Variants in TMEM163 observed in about 807,000 individuals in gnomAD.
TMEM163 encodes transmembrane protein 163.
A neutral mutation model predicts 29.3 loss-of-function variants in TMEM163; 17 were observed. The observed-to-expected ratio is 0.58, with a 90% CI of 0.40 to 0.87. TMEM163 has a LOEUF of 0.87. Ranked by LOEUF, TMEM163 falls within the 40% of genes least tolerant of loss-of-function variation. TMEM163 has a pLI of 0.00. For synonymous variants in TMEM163, 157 were observed against 160.6 expected, an observed-to-expected ratio of 0.98 and a Z score of 0.17; for missense variants, 303 against 381.5, an observed-to-expected ratio of 0.79 and a Z score of 1.71.
chr2:134,669,685 A>G (rs564424275), intron 2 of TMEM163, among the ~76,000 whole-genome samples: 2 of 152,222 alleles, frequency 1.3e-5, no homozygotes, highest in Non-Finnish European at 2.9e-5. Flanking sequence ...AGAATGTGGC[A>G]AAAGTGATGC....
At chr2:134,615,931 A>C (rs1031291005) in intron 2 of TMEM163, among the ~76,000 whole-genome samples, 3 of 152,218 alleles carry the variant, frequency 2.0e-5, no homozygotes, top group South Asian at 2.1e-4. Flanking sequence ...TGTTGGAATT[A>C]CAGGCGTGAG....
chr2:134,525,197 T>C lies in TMEM163; in HGVS notation c.459-22200A>G, dbSNP rs151121994. Among the ~76,000 whole-genome samples the C allele has an allele frequency of 1.5e-4, 23 of 152,312 alleles. No homozygotes were observed. The East Asian group carries it at 3.9e-3, about 26-fold the overall frequency. Reference sequence around the variant, plus strand: ...AAGGATAAATTAGTGCTACTCAAAGTGTGGTTCCCCAGACTTGCAACATCT... The same window carrying C: ...AAGGATAAATTAGTGCTACTCAAAGCGTGGTTCCCCAGACTTGCAACATCT... On this transcript the variant is annotated intron_variant, in intron 4 of 7. Coordinates refer to ENST00000281924, the MANE Select transcript of TMEM163 (RefSeq NM_030923.5).
At position 134,558,441 on chromosome 2, in the gene TMEM163, C is replaced by T. The variant is rs140427401; in HGVS notation, c.323-6350G>A. 2.0e-5 allele frequency among the ~76,000 whole-genome samples: 3 copies of T among 152,276 alleles called. No homozygotes were observed. In the East Asian group the frequency reaches 5.8e-4, roughly 29 times the overall value. ...TATTTATACAAGTCTGGTTAAAAGA[C>T]CAGACCTTCTTTAACTAAGTCACAC... On this transcript the variant is annotated intron_variant, in intron 2 of 7. Coordinates refer to ENST00000281924, the MANE Select transcript of TMEM163 (RefSeq NM_030923.5).
chr2:134,678,458 G>T (rs537740953), intron 2 of TMEM163, among the ~76,000 whole-genome samples: 2 of 152,220 alleles, frequency 1.3e-5, no homozygotes, highest in Non-Finnish European at 2.9e-5. Context: ...AAAGGCTTTT[G>T]TCTTTCTGTA....
chr2:134,712,316 A>G (rs1684943051), intron 2 of TMEM163, among the ~76,000 whole-genome samples: 1 of 152,218 alleles, frequency 6.6e-6, no homozygotes, highest in South Asian at 2.1e-4. Flanking sequence ...ACACACACAC[A>G]TAGCTTGTCT....
At chr2:134,631,439 G>A (rs918424523) in intron 2 of TMEM163, among the ~76,000 whole-genome samples, 2 of 152,170 alleles carry the variant, frequency 1.3e-5, no homozygotes, top group African/African-American at 4.8e-5. Flanking sequence ...TCTTGGCCTA[G>A]TAGCACACTA....
At position 134,480,168 on chromosome 2, in the gene TMEM163, A is replaced by C. The variant is rs138323145; in HGVS notation, c.556-13943T>G. Reference sequence around the variant, plus strand: ...AACCCCAACCAAACCAGCTGGATAAAGGGGACTCCTCTGCCCTCACCTCCT... The same window carrying C: ...AACCCCAACCAAACCAGCTGGATAACGGGGACTCCTCTGCCCTCACCTCCT... On this transcript the variant is annotated intron_variant, in intron 5 of 7. Coordinates refer to ENST00000281924, the MANE Select transcript of TMEM163 (RefSeq NM_030923.5). 1.2e-4 allele frequency among the ~76,000 whole-genome samples: 18 copies of C among 152,306 alleles called. 2 individuals are homozygous for C. The highest frequency in any genetic ancestry group is 4.3e-4 in the African/African-American group (18 of 41,572).
chr2:134,611,064 C>T (rs1169876252), intron 2 of TMEM163, among the ~76,000 whole-genome samples: 1 of 152,034 alleles, frequency 6.6e-6, no homozygotes, highest in Admixed American at 6.6e-5. Context: ...TTTACTCAAG[C>T]ATTTTGGAAA....
At chr2:134,606,713 T>C (rs1471357679) in intron 2 of TMEM163, among the ~76,000 whole-genome samples, 1 of 150,976 alleles carries the variant, frequency 6.6e-6, no homozygotes, top group Non-Finnish European at 1.5e-5. Context: ...ATCAAGAGGG[T>C]CAGTAACAAG....
intron 2 of TMEM163, among the ~76,000 whole-genome samples, chr2:134,623,436 G>C (rs1682782749): frequency 6.6e-6 from 1 of 152,134 alleles, no homozygotes; most frequent in Non-Finnish European, 1.5e-5. Context: ...GGAAAAACCA[G>C]AAAGTTCACA....
intron 5 of TMEM163, among the ~76,000 whole-genome samples, chr2:134,496,092 C>T (rs1003156194): frequency 3.3e-5 from 5 of 150,116 alleles, no homozygotes; most frequent in East Asian, 2.0e-4. Flanking sequence ...GACGGAGTCT[C>T]GCTCTGTCAC....
rs373236559 is a variant in TMEM163, at chr2:134,517,935, C to A, written c.459-14938G>T. Among the ~76,000 whole-genome samples, 5 of 145,706 alleles carry A rather than the reference C, an allele frequency of 3.4e-5. No individual in the cohort carries two copies. The East Asian group carries it at 6.1e-4, about 18-fold the overall frequency. On this transcript the variant is annotated intron_variant, in intron 4 of 7. Transcript: ENST00000281924. ...GTGGGCTTCCTTTCATATATCACTACAGAGTTGTCAGATGGAAAAAAAAAA... is the reference window on the plus strand; with the variant it reads ...GTGGGCTTCCTTTCATATATCACTAAAGAGTTGTCAGATGGAAAAAAAAAA...
At chr2:134,713,118 A>ATGT in intron 2 of TMEM163, 82 bp downstream of exon 2, 1 of 1,554,636 alleles carries the variant, frequency 6.4e-7, no homozygotes, top group Non-Finnish European at 8.6e-7. Context: ...GTCAACTAAA[A>ATGT]GCAAAAGCAC....
At chr2:134,503,553 C>G (rs1428117847) in intron 4 of TMEM163, among the ~76,000 whole-genome samples, 1 of 152,230 alleles carries the variant, frequency 6.6e-6, no homozygotes, top group Non-Finnish European at 1.5e-5. Flanking sequence ...GGAAAGTCTA[C>G]TCTGTCACTT....
At chr2:134,674,486 GGCGCGCGCGCGCGCGC>G (rs752979552) in intron 2 of TMEM163, among the ~76,000 whole-genome samples, 20 of 91,610 alleles carry the variant, frequency 2.2e-4, no homozygotes, top group African/African-American at 9.3e-4. Context: ...TGGGACTACA[GGCGCGCGCGCGCGCGC>G]GCGCGCGCTA....
chr2:134,501,351 C>G (rs768047925), intron 5 of TMEM163, among the ~76,000 whole-genome samples: 1 of 152,112 alleles, frequency 6.6e-6, no homozygotes, highest in Non-Finnish European at 1.5e-5. Flanking sequence ...ACAGATTGCT[C>G]CCAGTTAAAA....
intron 4 of TMEM163, among the ~76,000 whole-genome samples, chr2:134,509,256 A>G (rs1679893946): frequency 6.6e-6 from 1 of 152,232 alleles, no homozygotes; most frequent in East Asian, 1.9e-4. Context: ...TTAATTAAAA[A>G]CCAAATGGCC....
At chr2:134,466,692 C>G (rs1037700977) in intron 5 of TMEM163, 1 of 155,806 alleles carries the variant, frequency 6.4e-6, no homozygotes, top group South Asian at 2.0e-4. Context: ...AGGGCCAGAG[C>G]TACTTAAAAC....
intron 2 of TMEM163, among the ~76,000 whole-genome samples, chr2:134,682,182 G>A (rs62171377): frequency 0.13 from 19,992 of 152,074 alleles, 1,600 homozygotes; most frequent in Middle Eastern, 0.36. Flanking sequence ...ATGGGACTGC[G>A]GTTAATCCAT....
Sources: allele counts gnomAD v4.1 joint callset (sites outside exome capture counted in the v4.1 genomes callset), GRCh38; gene constraint gnomAD v4.1.1; transcripts MANE v1.5; gene names NCBI Gene and HGNC (gene_info 2026-07-23, HGNC 2026-07-21).